GALNT11: variants seen among roughly 807,000 people sequenced by gnomAD.
GALNT11 encodes the protein UDP-GalNAc:polypeptide N-acetylgalactosaminyltransferase 11.
A neutral mutation model predicts 72.7 loss-of-function variants in GALNT11; 47 were observed. The observed-to-expected ratio is 0.65, with a 90% CI of 0.51 to 0.82. The LOEUF (loss-of-function observed/expected upper bound fraction) is 0.82, where lower values mean the gene tolerates loss of function less well. Among genes scored for constraint, GALNT11 ranks in the 40% least tolerant of loss-of-function variants. The pLI is 0.00. For synonymous variants in GALNT11, 270 were observed against 286.6 expected (o/e 0.94, Z 0.58); for missense variants, 677 against 778.4 (o/e 0.87, Z 1.55).
chr7:152,043,844 C>T (rs992148292), intron 1 of GALNT11, among the ~76,000 whole-genome samples: 1 of 152,216 alleles, frequency 6.6e-6, no homozygotes, highest in African/African-American at 2.4e-5. Flanking sequence ...CCTTCCTCCT[C>T]ATCAGTGTGA....
intron 1 of GALNT11, among the ~76,000 whole-genome samples, chr7:152,056,953 C>G (rs1267102461): frequency 6.6e-6 from 1 of 151,808 alleles, no homozygotes; most frequent in Admixed American, 6.6e-5. Flanking sequence ...ATCCTTCCAC[C>G]TCAGCCTCCC....
At chr7:152,029,320 T>C (rs1029660158) in intron 1 of GALNT11, among the ~76,000 whole-genome samples, 9 of 152,182 alleles carry the variant, frequency 5.9e-5, no homozygotes, top group Non-Finnish European at 1.3e-4. Context: ...GGTAGTAGGA[T>C]AATGAAGTAG....
chr7:152,113,712 C>CTTTTTTTTTTTTTTTTTTTTTTTTTTT (rs6150397), intron 8 of GALNT11, among the ~76,000 whole-genome samples: 2 of 96,972 alleles, frequency 2.1e-5, no homozygotes, highest in Non-Finnish European at 2.0e-5. Context: ...AGTTGGCTTT[C>CTTTTTTTTTTTTTTTTTTTTTTTTTTT]TTTTTTTTTT....
chr7:152,061,185 A>T (rs551601991), intron 1 of GALNT11, among the ~76,000 whole-genome samples: 184 of 152,280 alleles, frequency 1.2e-3, no homozygotes, highest in Middle Eastern at 3.4e-3. Context: ...GTGAGATGGT[A>T]TCTCATTGTG....
chr7:152,072,325 A>T lies in GALNT11; in HGVS notation c.-38-21865A>T, dbSNP rs1225122500. Among the ~76,000 whole-genome samples the T allele has an allele frequency of 1.3e-5, 2 of 152,014 alleles. 1 individual carries two copies. The highest frequency in any genetic ancestry group is 4.8e-5 in the African/African-American group (2 of 41,418). The stretch of plus-strand genomic sequence containing the variant: ...GTGAGACTCCGTCTCAAAAAAAAAA[A>T]AAAAAAAGAAAAAAGAAATTCTAAT... On this transcript the variant is annotated intron_variant, in intron 1 of 11. Transcript: ENST00000430044.
intron 5 of GALNT11, among the ~76,000 whole-genome samples, chr7:152,107,091 T>C (rs532860556): frequency 7.7e-4 from 117 of 152,254 alleles, no homozygotes; most frequent in African/African-American, 2.7e-3. Context: ...CTAGTTGAAG[T>C]TGGATAGATA....
At chr7:152,069,171 A>C (rs1039568809) in intron 1 of GALNT11, among the ~76,000 whole-genome samples, 2 of 152,148 alleles carry the variant, frequency 1.3e-5, no homozygotes, top group Non-Finnish European at 2.9e-5. Flanking sequence ...ATATTGTTTA[A>C]TTTTTGAGAC....
At chr7:152,060,703 T>TCACC (rs1274597934) in intron 1 of GALNT11, among the ~76,000 whole-genome samples, 3 of 151,406 alleles carry the variant, frequency 2.0e-5, no homozygotes, top group Non-Finnish European at 2.9e-5. Flanking sequence ...AATTCCCACC[T>TCACC]ATGAGTGAGA....
At chr7:152,070,090 G>C (rs188015476) in intron 1 of GALNT11, among the ~76,000 whole-genome samples, 2 of 149,558 alleles carry the variant, frequency 1.3e-5, no homozygotes, top group Non-Finnish European at 2.9e-5. Context: ...TCCGCCTCCC[G>C]GGTTCACACC....
At chr7:152,090,613 G>A (rs976053636) in intron 1 of GALNT11, among the ~76,000 whole-genome samples, 6 of 151,974 alleles carry the variant, frequency 3.9e-5, no homozygotes, top group African/African-American at 4.8e-5. Flanking sequence ...CCCACTGGTC[G>A]CACTCCTCAA....
intron 1 of GALNT11, among the ~76,000 whole-genome samples, chr7:152,052,599 A>G (rs548088991): frequency 2.0e-5 from 3 of 152,170 alleles, no homozygotes; most frequent in Admixed American, 6.5e-5. Flanking sequence ...GCTTCTCTAT[A>G]AATCTTTGTG....
chr7:152,112,732 G>A (rs1443978109), intron 7 of GALNT11, among the ~76,000 whole-genome samples: 2 of 152,050 alleles, frequency 1.3e-5, no homozygotes, highest in Non-Finnish European at 2.9e-5. Context: ...GTCAAGGACA[G>A]AATTTAGACC....
intron 8 of GALNT11, among the ~76,000 whole-genome samples, chr7:152,114,379 G>A (rs975822440): frequency 1.1e-4 from 16 of 152,138 alleles, no homozygotes; most frequent in Middle Eastern, 3.4e-3. Flanking sequence ...TCCTACAAAT[G>A]GAATCATAAA....
chr7:152,103,682 C>T (rs1025127619), intron 4 of GALNT11: 3 of 170,678 alleles, frequency 1.8e-5, no homozygotes, highest in Admixed American at 1.1e-4. Flanking sequence ...TGGACTCCCA[C>T]AACCCTCACT....
chr7:152,060,819 C>G (rs2083963796), intron 1 of GALNT11, among the ~76,000 whole-genome samples: 1 of 152,166 alleles, frequency 6.6e-6, no homozygotes, highest in Non-Finnish European at 1.5e-5. Flanking sequence ...TTTTCTATGG[C>G]TGTATAGTAT....
At chr7:152,093,610 A>T (rs6464200) in intron 1 of GALNT11, among the ~76,000 whole-genome samples, 1 of 151,508 alleles carries the variant, frequency 6.6e-6, no homozygotes, top group Non-Finnish European at 1.5e-5. Flanking sequence ...TGTATTTTTG[A>T]TAGACACAAG....
At chr7:152,117,110 T>C (rs994512480) in intron 8 of GALNT11, 47 bp from the exon 9 acceptor site, 2 of 1,526,250 alleles carry the variant, frequency 1.3e-6, no homozygotes, top group African/African-American at 2.8e-5. Context: ...TATCATCATT[T>C]TTAACAAAAA....
intron 11 of GALNT11, 94 bp downstream of exon 11, chr7:152,121,062 G>A: frequency 6.8e-7 from 1 of 1,473,854 alleles, no homozygotes; most frequent in Non-Finnish European, 9.1e-7. Context: ...TACCTTGGGG[G>A]TGGTCTTCTC....
At chr7:152,027,043 A>G (rs750356538) in intron 1 of GALNT11, among the ~76,000 whole-genome samples, 1 of 152,168 alleles carries the variant, frequency 6.6e-6, no homozygotes, top group Non-Finnish European at 1.5e-5. Context: ...AGGTCAGGAG[A>G]TCAAGACCAT....
Sources: allele counts gnomAD v4.1 joint callset (sites outside exome capture counted in the v4.1 genomes callset), GRCh38; gene constraint gnomAD v4.1.1; transcripts MANE v1.5; gene names NCBI Gene and HGNC (gene_info 2026-07-23, HGNC 2026-07-21).